FANCC: variants seen among roughly 807,000 people sequenced by gnomAD.
FANCC encodes the protein FA complementation group C.
A neutral mutation model predicts 71.3 loss-of-function variants in FANCC; 55 were observed. The observed-to-expected ratio is 0.77, with a 90% CI of 0.62 to 0.97. FANCC has a LOEUF of 0.97. FANCC is among the 50% of genes least tolerant of loss of function. The probability of loss-of-function intolerance (pLI) is 0.00; values close to 1 mark genes in which losing one functional copy is unlikely to be tolerated. For missense variants in FANCC, 678 were observed against 670.9 expected, an observed-to-expected ratio of 1.01 and a Z score of -0.12; for synonymous variants, 275 against 244.9, an observed-to-expected ratio of 1.12 and a Z score of -1.15.
At chr9:95,262,210 G>A (rs1832093163) in intron 1 of FANCC, among the ~76,000 whole-genome samples, 1 of 151,880 alleles carries the variant, frequency 6.6e-6, no homozygotes, top group South Asian at 2.1e-4. Context: ...TCCTCATTTT[G>A]GTGAATTCTA....
intron 4 of FANCC, among the ~76,000 whole-genome samples, chr9:95,224,322 A>G (rs1209968720): frequency 1.3e-5 from 2 of 152,146 alleles, no homozygotes; most frequent in African/African-American, 4.8e-5. Flanking sequence ...GGCTTTACGG[A>G]CACATCTAGG....
Position 95,247,415 on chromosome 9 carries a change from A to C in FANCC, c.250+17T>G. On this transcript the variant is annotated intron_variant, in intron 3 of 14. Coordinates refer to ENST00000289081, the MANE Select transcript of FANCC (RefSeq NM_000136.3). The stretch of plus-strand genomic sequence containing the variant: ...ATTAAAATAGCCATTTTGAGAGGAC[A>C]CGTTTTTGATTCTTACCATATGCTA... The C allele has an allele frequency of 6.3e-7, 1 of 1,584,150 alleles. No homozygotes were observed. Among genetic ancestry groups the C allele is most frequent in the Non-Finnish European group, 8.7e-7 (1 of 1,152,798 alleles).
At chr9:95,215,601 A>G (rs1828816567) in intron 4 of FANCC, among the ~76,000 whole-genome samples, 1 of 151,246 alleles carries the variant, frequency 6.6e-6, no homozygotes, top group African/African-American at 2.4e-5. Context: ...AGAGTACAGT[A>G]TAACTCTGTG....
intron 1 of FANCC, chr9:95,292,907 C>T (rs958083561): frequency 1.3e-6 from 2 of 1,583,030 alleles, no homozygotes; most frequent in East Asian, 2.2e-5. Context: ...GCAAGACCTT[C>T]CGGTGCACAT....
At position 95,235,844 on chromosome 9, in the gene FANCC, CAAAAAAAAAAAAA is replaced by C. The variant is rs10666439; in HGVS notation, c.345+4792_345+4804del. On this transcript the variant is annotated intron_variant, in intron 4 of 14. Coordinates refer to ENST00000289081, the MANE Select transcript of FANCC (RefSeq NM_000136.3). ...GGGCAACAAGAGTGAAACTCCACCTCAAAAAAAAAAAAAAAAAAAAAAAAAAGCAACAAGGGGC... is the reference window on the plus strand; with the variant it reads ...GGGCAACAAGAGTGAAACTCCACCTCAAAAAAAAAAAAAGCAACAAGGGGC... 2.5e-4 allele frequency among the ~76,000 whole-genome samples: 9 copies of C among 36,222 alleles called. No individual in the cohort carries two copies. In the East Asian group the frequency reaches 3.4e-3, roughly 14 times the overall value. 23.8% of individuals were successfully genotyped at this position (36,222 alleles called of 152,430 possible).
At chr9:95,115,218 AG>A (rs2072294389) in intron 11 of FANCC, among the ~76,000 whole-genome samples, 1 of 152,118 alleles carries the variant, frequency 6.6e-6, no homozygotes, top group South Asian at 2.1e-4. Context: ...CTGGAATTAC[AG>A]GCATTAATCA....
intron 4 of FANCC, among the ~76,000 whole-genome samples, chr9:95,213,677 AC>A (rs971953299): frequency 6.6e-6 from 1 of 152,240 alleles, no homozygotes; most frequent in African/African-American, 2.4e-5. Context: ...TCCATGGCTT[AC>A]ATTTAAGACC....
chr9:95,212,172 G>T (rs559960791), intron 4 of FANCC, among the ~76,000 whole-genome samples: 51 of 152,158 alleles, frequency 3.4e-4, no homozygotes, highest in African/African-American at 1.1e-3. Context: ...CCTAGGAAAG[G>T]GGGTACAGGA....
At chr9:95,229,271 C>T (rs1302843305) in intron 4 of FANCC, among the ~76,000 whole-genome samples, 1 of 147,256 alleles carries the variant, frequency 6.8e-6, no homozygotes, top group Non-Finnish European at 1.5e-5. Flanking sequence ...GCACTTCAGC[C>T]TGAGCGACAG....
At chr9:95,313,986 G>A (rs1288085152) in intron 1 of FANCC, among the ~76,000 whole-genome samples, 1 of 152,126 alleles carries the variant, frequency 6.6e-6, no homozygotes, top group Non-Finnish European at 1.5e-5. Flanking sequence ...GTATCTAATG[G>A]TAAAAGATTA....
intron 10 of FANCC, among the ~76,000 whole-genome samples, chr9:95,119,600 G>A (rs2072709929): frequency 6.6e-6 from 1 of 152,080 alleles, no homozygotes. Flanking sequence ...TCTTGAACTC[G>A]TGATCCACCC....
chr9:95,276,464 C>T (rs939171426), intron 1 of FANCC, among the ~76,000 whole-genome samples: 4 of 152,142 alleles, frequency 2.6e-5, no homozygotes, highest in Non-Finnish European at 5.9e-5. Context: ...TCTTCAAGAC[C>T]ACTTATTTAG....
At chr9:95,192,368 G>A (rs1827167668) in intron 4 of FANCC, among the ~76,000 whole-genome samples, 2 of 152,120 alleles carry the variant, frequency 1.3e-5, no homozygotes, top group African/African-American at 4.8e-5. Context: ...GAAACTTGAC[G>A]CCCCAGGGAT....
At chr9:95,207,023 C>CA (rs1303767497) in intron 4 of FANCC, among the ~76,000 whole-genome samples, 2 of 152,124 alleles carry the variant, frequency 1.3e-5, no homozygotes, top group Non-Finnish European at 2.9e-5. Flanking sequence ...CCCAGCCCCA[C>CA]ACTGCATGTC....
In FANCC at chr9:95,217,281, C is replaced by A. The variant is rs533362237; in HGVS notation, c.345+23368G>T. On this transcript the variant is annotated intron_variant, in intron 4 of 14. Transcript: ENST00000289081. Reference sequence around the variant, plus strand: ...TGGGTGGATCATGAGGTCAGGAGATCGAGACCATCCTGCGTAACATGGTGA... The same window carrying A: ...TGGGTGGATCATGAGGTCAGGAGATAGAGACCATCCTGCGTAACATGGTGA... Among the ~76,000 whole-genome samples the A allele has an allele frequency of 5.3e-5, 8 of 152,100 alleles. No individual in the cohort carries two copies. In the South Asian group the frequency reaches 1.2e-3, roughly 24 times the overall value.
rs1007026131 is a variant in FANCC, at chr9:95,099,515, G to C, written c.*2192C>G. On this transcript the variant is annotated 3_prime_UTR_variant, in exon 15 of 15. Transcript: ENST00000289081. ...TTTGCCGAAATCGAAGGCAACAAGA[G>C]GGGGAGGTGGGCTTAAGAGTGCCTG... 5.5e-4 allele frequency: 127 copies of C among 229,330 alleles called. No individual in the cohort carries two copies. Among genetic ancestry groups the C allele is most frequent in the Admixed American group, 1.5e-3 (26 of 17,574 alleles). 14.2% of individuals were successfully genotyped at this position (229,330 alleles called of 1,614,324 possible). A position where few individuals can be genotyped will look rare whatever the true frequency, so the allele number is the denominator to read the frequency against.
At chr9:95,154,245 C>CAAAAAAA (rs58720791) in intron 6 of FANCC, among the ~76,000 whole-genome samples, 2 of 49,956 alleles carry the variant, frequency 4.0e-5, no homozygotes, top group African/African-American at 7.7e-5. Context: ...GACTCCGTCT[C>CAAAAAAA]AAAAAAAAAA....
chr9:95,299,686 C>A (rs1834603258), intron 1 of FANCC, among the ~76,000 whole-genome samples: 1 of 152,086 alleles, frequency 6.6e-6, no homozygotes, highest in Admixed American at 6.6e-5. Context: ...TATAGTGAGA[C>A]CTCAGCTCTA....
chr9:95,216,979 C>T (rs963167966), intron 4 of FANCC, among the ~76,000 whole-genome samples: 2 of 152,174 alleles, frequency 1.3e-5, no homozygotes, highest in South Asian at 4.1e-4. Context: ...CATCTTAACC[C>T]AACTGACATT....
Sources: allele counts gnomAD v4.1 joint callset (sites outside exome capture counted in the v4.1 genomes callset), GRCh38; gene constraint gnomAD v4.1.1; transcripts MANE v1.5; gene names NCBI Gene and HGNC (gene_info 2026-07-23, HGNC 2026-07-21).